Variants in OPHN1 observed in about 807,000 individuals in gnomAD.
OPHN1 encodes the protein oligophrenin-1.
In OPHN1, 11 loss-of-function variants were observed where a neutral mutation model predicts 60.7. The observed-to-expected ratio is 0.18, with a 90% CI of 0.11 to 0.30. The LOEUF (loss-of-function observed/expected upper bound fraction) is 0.30, where lower values mean the gene tolerates loss of function less well. Ranked by LOEUF, OPHN1 falls within the 10% of genes least tolerant of loss-of-function variation. The pLI is 1.00. For missense variants in OPHN1, 449 were observed against 611.0 expected (o/e 0.73, Z 2.80); for synonymous variants, 226 against 222.6 (o/e 1.02, Z -0.14).
chrX:68,419,690 G>A (rs777170419), intron 2 of OPHN1, among the ~76,000 whole-genome samples: 2 of 109,003 alleles, frequency 1.8e-5, no homozygotes, highest in African/African-American at 3.4e-5. Context: ...ACAAGTGAGC[G>A]CCACCATACT....
chrX:68,064,396 C>T (rs1020840379), intron 20 of OPHN1, among the ~76,000 whole-genome samples: 5 of 110,946 alleles, frequency 4.5e-5, no homozygotes, highest in African/African-American at 1.6e-4. Flanking sequence ...TCAAGATCCG[C>T]GTATGATTTT....
intron 2 of OPHN1, among the ~76,000 whole-genome samples, chrX:68,322,013 CCAGG>C (rs2078238093): frequency 9.1e-6 from 1 of 110,091 alleles, no homozygotes; most frequent in African/African-American, 3.4e-5. Context: ...ACTCTGTCAC[CCAGG>C]CTGGAGTGCA....
chrX:68,170,483 G>A (rs770276129), intron 15 of OPHN1, among the ~76,000 whole-genome samples: 4,711 of 108,671 alleles, frequency 0.043, 359 homozygotes, highest in African/African-American at 0.16. Flanking sequence ...ACATGCACAC[G>A]TATGTTTATT....
chrX:68,368,643 C>A (rs976252546), intron 2 of OPHN1, among the ~76,000 whole-genome samples: 12 of 111,572 alleles, frequency 1.1e-4, no homozygotes, highest in Middle Eastern at 9.3e-3. Context: ...TAAGCTTTCA[C>A]CTTGAGCTAG....
At position 68,271,195 on chromosome X, in the gene OPHN1, A is replaced by C. The variant is rs774363850; in HGVS notation, c.384+3543T>G. On this transcript the variant is annotated intron_variant, in intron 5 of 24. Transcript: ENST00000355520. ...TAAGTTTAAGGAAAAGTACTCAAATAAGGAGAAATTTTAATGGGGTTCAGA... is the reference window on the plus strand; with the variant it reads ...TAAGTTTAAGGAAAAGTACTCAAATCAGGAGAAATTTTAATGGGGTTCAGA... Among the ~76,000 whole-genome samples, 5 of 110,664 alleles carry C rather than the reference A, an allele frequency of 4.5e-5. No individual in the cohort carries two copies. The South Asian group carries it at 1.9e-3, about 43-fold the overall frequency.
rs73634103 is a variant in OPHN1 at position 68,065,612 on chromosome X, C to T, written c.1835-1435G>A. ...GTCTGAATCTCAGTTCTGCTTCTTA[C>T]CGACTGTGAGACCTCGTACAAGTTC... On this transcript the variant is annotated intron_variant, in intron 20 of 24. Transcript: ENST00000355520. Among the ~76,000 whole-genome samples the T allele has an allele frequency of 5.6e-4, 63 of 111,837 alleles. 1 individual carries two copies. The highest frequency in any genetic ancestry group is 2.0e-3 in the African/African-American group (62 of 30,797).
At chrX:68,250,755 T>A (rs1045998134) in intron 5 of OPHN1, among the ~76,000 whole-genome samples, 1 of 112,104 alleles carries the variant, frequency 8.9e-6, no homozygotes, top group Non-Finnish European at 1.9e-5. Context: ...TAGAAGAATA[T>A]CTGGCACTAT....
chrX:68,167,209 C>A (rs1256004012), intron 15 of OPHN1, among the ~76,000 whole-genome samples: 4 of 111,470 alleles, frequency 3.6e-5, no homozygotes, highest in Non-Finnish European at 7.5e-5. Flanking sequence ...AATGAACAGA[C>A]ATTTCTCAAA....
At chrX:68,173,775 A>G (rs1215317851) in intron 15 of OPHN1, among the ~76,000 whole-genome samples, 1 of 111,715 alleles carries the variant, frequency 9.0e-6, no homozygotes, top group Non-Finnish European at 1.9e-5. Flanking sequence ...TAACAACACT[A>G]TAACCACCAT....
chrX:68,386,182 G>A (rs2078623547), intron 2 of OPHN1, among the ~76,000 whole-genome samples: 2 of 111,840 alleles, frequency 1.8e-5, no homozygotes, highest in Non-Finnish European at 1.9e-5. Context: ...ATAAACTGTT[G>A]TGAACCAGCA....
intron 5 of OPHN1, among the ~76,000 whole-genome samples, chrX:68,272,450 A>G (rs2077974440): frequency 8.9e-6 from 1 of 112,533 alleles, no homozygotes; most frequent in Non-Finnish European, 1.9e-5. Flanking sequence ...CCACAAAACA[A>G]TGTTTTAGTA....
chrX:68,368,105 C>T (rs371672429), intron 2 of OPHN1, among the ~76,000 whole-genome samples: 3 of 111,700 alleles, frequency 2.7e-5, no homozygotes, highest in East Asian at 2.8e-4. Flanking sequence ...AAACACTGCA[C>T]GCTGACCTAA....
chrX:68,405,734 G>C (rs1469750374), intron 2 of OPHN1, among the ~76,000 whole-genome samples: 1 of 111,943 alleles, frequency 8.9e-6, no homozygotes, highest in Non-Finnish European at 1.9e-5. Flanking sequence ...TGACTGAAAA[G>C]GAAAGGGTCC....
intron 15 of OPHN1, among the ~76,000 whole-genome samples, chrX:68,168,476 C>T (rs1250572228): frequency 2.7e-4 from 30 of 111,307 alleles, no homozygotes; most frequent in African/African-American, 9.8e-4. Flanking sequence ...ACACAACATA[C>T]CAGAATCTCT....
intron 5 of OPHN1, among the ~76,000 whole-genome samples, chrX:68,270,860 A>C (rs2077964880): frequency 9.0e-6 from 1 of 111,713 alleles, no homozygotes; most frequent in Non-Finnish European, 1.9e-5. Flanking sequence ...GTTTCCTGCA[A>C]AGTGAAATGA....
chrX:68,088,780 AT>A (rs1342285470), intron 19 of OPHN1, among the ~76,000 whole-genome samples: 14 of 108,618 alleles, frequency 1.3e-4, no homozygotes, highest in South Asian at 8.1e-4. Context: ...TATTGGTATC[AT>A]TTTTTTTTAA....
intron 15 of OPHN1, among the ~76,000 whole-genome samples, chrX:68,126,964 A>T (rs776077700): frequency 8.9e-6 from 1 of 111,843 alleles, no homozygotes; most frequent in Non-Finnish European, 1.9e-5. Flanking sequence ...TTATGCAAGA[A>T]CTCACACTGA....
chrX:68,287,618 T>C (rs1338130407), intron 3 of OPHN1, among the ~76,000 whole-genome samples: 4 of 112,074 alleles, frequency 3.6e-5, no homozygotes. Context: ...CATTCTACCC[T>C]CACCCATGGC....
intron 2 of OPHN1, among the ~76,000 whole-genome samples, chrX:68,401,563 T>C (rs748788494): frequency 6.2e-5 from 7 of 112,352 alleles, no homozygotes; most frequent in Non-Finnish European, 1.1e-4. Context: ...AACTTTTATC[T>C]TCCAAGAGCA....
Sources: gnomAD v4.1 joint callset for allele counts (sites outside exome capture counted in the v4.1 genomes callset) on GRCh38, gnomAD v4.1.1 for gene constraint, MANE v1.5 for transcripts, NCBI Gene and HGNC (gene_info 2026-07-23, HGNC 2026-07-21) for gene names.